ADAM12: variants seen among roughly 807,000 people sequenced by gnomAD.
ADAM12 encodes the protein ADAM metallopeptidase domain 12.
ADAM12 carries 70 observed loss-of-function variants against 106.4 expected under a neutral mutation model. That is an observed-to-expected ratio of 0.66 (90% CI 0.54 to 0.80). The LOEUF is 0.80. Ranked by LOEUF, ADAM12 falls within the 30% of genes least tolerant of loss-of-function variation. ADAM12 has a pLI of 0.00. For missense variants in ADAM12, 1,010 were observed against 1,171.9 expected (o/e 0.86, Z 2.02); for synonymous variants, 420 against 433.5 (o/e 0.97, Z 0.39).
chr10:126,135,465 G>C, intron 5 of ADAM12, 119 bp downstream of exon 5: 1 of 927,228 alleles, frequency 1.1e-6, no homozygotes, highest in Non-Finnish European at 1.7e-6. Flanking sequence ...AGGTGGAGGT[G>C]TAGCTGAGCT....
At chr10:126,033,624 G>T (rs1283762811) in intron 21 of ADAM12, among the ~76,000 whole-genome samples, 4 of 152,140 alleles carry the variant, frequency 2.6e-5, no homozygotes, top group Non-Finnish European at 4.4e-5. Flanking sequence ...CCTTACTCCA[G>T]CTCAACACTT....
At chr10:126,385,924 G>T (rs754733996) in intron 1 of ADAM12, among the ~76,000 whole-genome samples, 9 of 152,148 alleles carry the variant, frequency 5.9e-5, no homozygotes, top group Non-Finnish European at 1.3e-4. Context: ...TACCATGCAG[G>T]GATAAGGTGA....
In ADAM12 at chr10:126,014,813, T is replaced by G. The variant is rs1953632882; in HGVS notation, c.*2466A>C. The G allele has an allele frequency of 6.8e-6, 1 of 147,940 alleles. No homozygotes were observed. Among genetic ancestry groups the G allele is most frequent in the Admixed American group, 6.7e-5 (1 of 14,854 alleles). The allele number at this position is 147,940 out of a possible 1,614,324, so 9.2% of individuals were successfully genotyped here. The stretch of plus-strand genomic sequence containing the variant: ...TACAAAACTCAAACCACCTCTATTA[T>G]TCATGCCTATACAGTCTTTTAAAAA... On this transcript the variant is annotated 3_prime_UTR_variant, in exon 23 of 23. Transcript: ENST00000448723.
chr10:126,157,017 T>C (rs11244851), intron 3 of ADAM12, among the ~76,000 whole-genome samples: 27,062 of 151,262 alleles, frequency 0.18, 3,016 homozygotes, highest in East Asian at 0.48. Flanking sequence ...CCGTTTGGTT[T>C]TGTGTGTGTG....
rs115748689 is a variant in ADAM12 at position 126,100,154 on chromosome 10, C to G, written c.911+918G>C. Among the ~76,000 whole-genome samples, 723 of 152,038 alleles carry G rather than the reference C, an allele frequency of 4.8e-3. 9 individuals carry two copies. The highest frequency in any genetic ancestry group is 0.017 in the African/African-American group (703 of 41,506). On this transcript the variant is annotated intron_variant, in intron 9 of 22. Transcript: ENST00000448723. Reference sequence around the variant, plus strand: ...GAGCAGGGAGATTTACAGTGTTGGTCACCACTGTGTTCAAAGCCCCCCAAA... The same window carrying G: ...GAGCAGGGAGATTTACAGTGTTGGTGACCACTGTGTTCAAAGCCCCCCAAA...
intron 18 of ADAM12, among the ~76,000 whole-genome samples, chr10:126,039,853 C>T (rs1954128949): frequency 6.6e-6 from 1 of 152,218 alleles, no homozygotes; most frequent in Non-Finnish European, 1.5e-5. Flanking sequence ...CTTTTCTTTA[C>T]TCATTCTGTA....
chr10:126,224,079 T>C (rs1247254275), intron 3 of ADAM12, among the ~76,000 whole-genome samples: 2 of 152,136 alleles, frequency 1.3e-5, no homozygotes, highest in Non-Finnish European at 2.9e-5. Flanking sequence ...TCCAGACATC[T>C]GGACTCCTGG....
intron 1 of ADAM12, among the ~76,000 whole-genome samples, chr10:126,369,667 C>T (rs970350127): frequency 6.6e-6 from 1 of 152,156 alleles, no homozygotes. Context: ...CTGCCAGCTC[C>T]AGGACTTGTA....
In ADAM12 at chr10:126,071,554, T is replaced by TG; in HGVS notation, c.1245dup (p.Arg416GlnfsTer21). 6.2e-7 allele frequency: 1 copy of TG among 1,614,184 alleles called. No individual in the cohort carries two copies. Among genetic ancestry groups the TG allele is most frequent in the Admixed American group, 1.7e-5 (1 of 60,020 alleles). ...CACTTCTGGCCCCCGAAAGACTCCC[T>TG]GACTTCCGGCAGGTTAAACAGGCAC... On this transcript the variant is annotated frameshift_variant, in exon 12 of 23. Coordinates refer to ENST00000448723, the MANE Select transcript of ADAM12 (RefSeq NM_001288973.2). LOFTEE classifies it high-confidence loss of function.
chr10:126,325,136 CAT>C (rs1317477786), intron 2 of ADAM12, among the ~76,000 whole-genome samples: 1 of 152,016 alleles, frequency 6.6e-6, no homozygotes, highest in Non-Finnish European at 1.5e-5. Context: ...AAAACAAAAA[CAT>C]ATGAGAAGAA....
At chr10:126,226,192 G>T in intron 3 of ADAM12, among the ~76,000 whole-genome samples, 1 of 151,486 alleles carries the variant, frequency 6.6e-6, no homozygotes, top group East Asian at 2.0e-4. Flanking sequence ...GTGGTGGTGG[G>T]GGGAGGGGGC....
intron 12 of ADAM12, among the ~76,000 whole-genome samples, chr10:126,068,193 T>A (rs892146863): frequency 6.6e-6 from 1 of 152,174 alleles, no homozygotes; most frequent in Admixed American, 6.5e-5. Flanking sequence ...GTTTAGGAAC[T>A]TTTTTTAAAA....
intron 3 of ADAM12, among the ~76,000 whole-genome samples, chr10:126,263,445 C>T (rs1397847913): frequency 1.3e-5 from 2 of 151,346 alleles, no homozygotes; most frequent in African/African-American, 4.9e-5. Flanking sequence ...GTGCTTCTCC[C>T]CTATATCACA....
At chr10:126,372,083 G>C (rs1181577550) in intron 1 of ADAM12, among the ~76,000 whole-genome samples, 1 of 152,192 alleles carries the variant, frequency 6.6e-6, no homozygotes, top group African/African-American at 2.4e-5. Flanking sequence ...GGAAACATGA[G>C]ATTTAAGGTA....
intron 12 of ADAM12, among the ~76,000 whole-genome samples, chr10:126,068,334 G>A (rs1954915103): frequency 6.6e-6 from 1 of 152,162 alleles, no homozygotes. Context: ...GAAATTCCAT[G>A]TTAAATCAGC....
intron 3 of ADAM12, among the ~76,000 whole-genome samples, chr10:126,235,876 C>T (rs1382748836): frequency 1.3e-5 from 2 of 152,038 alleles, no homozygotes; most frequent in African/African-American, 4.8e-5. Flanking sequence ...GTGGGGTACA[C>T]AGGGATCTGG....
intron 6 of ADAM12, among the ~76,000 whole-genome samples, chr10:126,115,641 G>A (rs1328611508): frequency 1.3e-5 from 2 of 152,182 alleles, no homozygotes; most frequent in African/African-American, 4.8e-5. Context: ...AAAAATCAGA[G>A]TCTGCAAACC....
chr10:126,189,576 T>C (rs924886633), intron 3 of ADAM12, among the ~76,000 whole-genome samples: 22 of 152,214 alleles, frequency 1.4e-4, no homozygotes, highest in Admixed American at 1.0e-3. Context: ...TAAACATGCA[T>C]TGCCATGTTT....
At position 126,096,393 on chromosome 10, in the gene ADAM12, CTT is replaced by C. The variant is rs1271588300; in HGVS notation, c.996+2021_996+2022del. Among the ~76,000 whole-genome samples the C allele has an allele frequency of 3.3e-5, 5 of 152,206 alleles. No individual in the cohort carries two copies. The South Asian group carries it at 8.3e-4, about 25-fold the overall frequency. ...ACATTTGTAGTAAGAAAAAATATCT[CTT>C]TATTCATGTTATTAATATTATTTCC... On this transcript the variant is annotated intron_variant, in intron 10 of 22. Transcript: ENST00000448723.
Sources: gnomAD v4.1 joint callset for allele counts (sites outside exome capture counted in the v4.1 genomes callset) on GRCh38, gnomAD v4.1.1 for gene constraint, MANE v1.5 for transcripts, NCBI Gene and HGNC (gene_info 2026-07-23, HGNC 2026-07-21) for gene names.